Variants in COL4A4 observed in about 807,000 individuals in gnomAD.
COL4A4 encodes the protein collagen type IV alpha 4 chain.
Under a neutral mutation model 192.9 loss-of-function variants are expected in COL4A4, and 105 were observed. That is an observed-to-expected ratio of 0.54 (90% CI 0.46 to 0.64). COL4A4 has a LOEUF of 0.64. Ranked by LOEUF, COL4A4 falls within the 30% of genes least tolerant of loss-of-function variation. COL4A4 has a pLI of 0.00. For missense variants in COL4A4, 1,967 were observed against 2,169.3 expected, an observed-to-expected ratio of 0.91 and a Z score of 1.85; for synonymous variants, 762 against 769.9, an observed-to-expected ratio of 0.99 and a Z score of 0.17.
rs754410974 is a variant in COL4A4, at chr2:227,059,576, A to C, written c.2212T>G (p.Ser738Ala). 2 of 1,613,954 alleles carry C rather than the reference A, an allele frequency of 1.2e-6. No homozygotes were observed. Among genetic ancestry groups the C allele is most frequent in the Non-Finnish European group, 1.7e-6 (2 of 1,179,996 alleles). The change falls in exon 28 of 48, where the codon TCC becomes GCC. Residue 738 changes from serine (S) to alanine (A), a missense_variant. Transcript: ENST00000396625. ...GGGCCTGGGGGCCCAACAGGGGAGG[A>C]CCCCTTTTCACCTCCAAAACCCGGA... ...GDPGFGGEKG[S>A]SPVGPPGPPG...
At chr2:227,056,141 T>C (rs1341814409) in intron 29 of COL4A4, 26 bp from the exon 30 acceptor site, 2 of 1,611,380 alleles carry the variant, frequency 1.2e-6, no homozygotes, top group Non-Finnish European at 1.7e-6. Flanking sequence ...GTGACCACAG[T>C]GTGTGAAGGC....
chr2:227,102,559 G>A lies in COL4A4; in HGVS notation c.930+230C>T, dbSNP rs148139629. ...GCCAGACAAGAGATGGCACAATCCT[G>A]TCACTTTTCCCAAATTCTTCTATCT... On this transcript the variant is annotated intron_variant, in intron 15 of 47. Transcript: ENST00000396625. Among the ~76,000 whole-genome samples, 99 of 152,250 alleles carry A rather than the reference G, an allele frequency of 6.5e-4. 1 individual carries two copies. Among genetic ancestry groups the A allele is most frequent in the African/African-American group, 2.3e-3 (94 of 41,540 alleles).
chr2:227,029,889 A>G (rs1015412275), intron 41 of COL4A4, among the ~76,000 whole-genome samples: 2 of 152,232 alleles, frequency 1.3e-5, no homozygotes, highest in African/African-American at 4.8e-5. Flanking sequence ...CCAATACAGA[A>G]GCTACTAACC....
At chr2:227,018,490 G>A (rs1248250787) in intron 44 of COL4A4, among the ~76,000 whole-genome samples, 3 of 152,244 alleles carry the variant, frequency 2.0e-5, no homozygotes, top group African/African-American at 2.4e-5. Context: ...AATACATGGC[G>A]GAGAAGAGAG....
At chr2:227,137,185 A>G (rs2062871163) in intron 4 of COL4A4, among the ~76,000 whole-genome samples, 1 of 152,110 alleles carries the variant, frequency 6.6e-6, no homozygotes, top group Admixed American at 6.5e-5. Flanking sequence ...GACTGCTTAG[A>G]GGGTGGAAAG....
At chr2:227,101,226 G>A (rs1273588670) in intron 17 of COL4A4, among the ~76,000 whole-genome samples, 2 of 152,092 alleles carry the variant, frequency 1.3e-5, no homozygotes, top group East Asian at 1.9e-4. Context: ...GACGTGACTT[G>A]CTCCTTCTTG....
intron 12 of COL4A4, among the ~76,000 whole-genome samples, chr2:227,104,869 G>T (rs1015078847): frequency 6.6e-6 from 1 of 151,320 alleles, no homozygotes; most frequent in Admixed American, 6.6e-5. Flanking sequence ...TCGAACTCCG[G>T]ACCTCAGGTG....
intron 12 of COL4A4, 54 bp downstream of exon 12, chr2:227,108,527 T>C: frequency 6.5e-7 from 1 of 1,547,332 alleles, no homozygotes; most frequent in Non-Finnish European, 8.9e-7. Flanking sequence ...CCTCCACCCC[T>C]GAGCAGCACA....
intron 25 of COL4A4, among the ~76,000 whole-genome samples, chr2:227,068,908 G>A (rs1049021076): frequency 2.0e-5 from 3 of 150,674 alleles, no homozygotes; most frequent in African/African-American, 7.4e-5. Flanking sequence ...ATTCAATTGG[G>A]AAAAGAGGAA....
intron 26 of COL4A4, 98 bp downstream of exon 26, chr2:227,062,432 A>G (rs1977352582): frequency 1.3e-6 from 1 of 792,530 alleles, no homozygotes; most frequent in East Asian, 2.5e-5. Context: ...GAAATGTCCT[A>G]ACTAGTCTGA....
intron 25 of COL4A4, among the ~76,000 whole-genome samples, chr2:227,065,035 G>A (rs542845271): frequency 2.6e-5 from 4 of 152,150 alleles, no homozygotes; most frequent in South Asian, 2.1e-4. Context: ...TGCGCGCACC[G>A]TGCACGAGCC....
chr2:227,057,172 T>C (rs1038170711), intron 29 of COL4A4, among the ~76,000 whole-genome samples: 10 of 152,226 alleles, frequency 6.6e-5, no homozygotes, highest in African/African-American at 9.7e-5. Context: ...CACAGGTTGC[T>C]ATAAAGCAGT....
At chr2:226,983,935 C>T in the COL4A4 span, among the ~76,000 whole-genome samples, 6 of 152,136 alleles carry the variant, frequency 3.9e-5, no homozygotes, top group Admixed American at 1.3e-4. Context: ...CTGGGCAAAA[C>T]GCAATGGTGT....
chr2:227,158,435 G>A (rs995805138), intron 1 of COL4A4, among the ~76,000 whole-genome samples: 1 of 151,910 alleles, frequency 6.6e-6, no homozygotes, highest in African/African-American at 2.4e-5. Flanking sequence ...GAGTTCTCAG[G>A]TAACAAGAAA....
intron 32 of COL4A4, 86 bp from the exon 33 acceptor site, chr2:227,051,244 G>A: frequency 1.5e-6 from 2 of 1,364,162 alleles, no homozygotes; most frequent in Non-Finnish European, 2.1e-6. Flanking sequence ...CTACTTTTAG[G>A]AGATAAAGCC....
intron 25 of COL4A4, among the ~76,000 whole-genome samples, chr2:227,070,564 T>C (rs2058654381): frequency 6.6e-6 from 1 of 152,052 alleles, no homozygotes; most frequent in African/African-American, 2.4e-5. Flanking sequence ...TGCATGTCCT[T>C]TGTAGGGACA....
intron 7 of COL4A4, among the ~76,000 whole-genome samples, chr2:227,118,222 G>T (rs79793758): frequency 0.035 from 5,262 of 152,152 alleles, 294 homozygotes; most frequent in African/African-American, 0.12. Flanking sequence ...AATCCCTGTA[G>T]CAGATCCCTT....
the COL4A4 span, among the ~76,000 whole-genome samples, chr2:226,984,417 C>G: frequency 6.6e-6 from 1 of 152,204 alleles, no homozygotes; most frequent in Non-Finnish European, 1.5e-5. Flanking sequence ...AGTGCAAGCT[C>G]TGGCCTCTTC....
At chr2:227,041,785 AGG>A (rs1491148927) in intron 37 of COL4A4, among the ~76,000 whole-genome samples, 733 of 66,088 alleles carry the variant, frequency 0.011, 32 homozygotes, top group East Asian at 0.054. Flanking sequence ...GAAGGAAGGA[AGG>A]GAAAGAAAGA....
Sources: gnomAD v4.1 joint callset for allele counts (sites outside exome capture counted in the v4.1 genomes callset) on GRCh38, gnomAD v4.1.1 for gene constraint, MANE v1.5 for transcripts, NCBI Gene and HGNC (gene_info 2026-07-23, HGNC 2026-07-21) for gene names.